Variants in ETV1 observed in about 807,000 individuals in gnomAD.
The protein encoded by ETV1 is ETS variant transcription factor 1, also known as ETS translocation variant 1.
A neutral mutation model predicts 62.3 loss-of-function variants in ETV1; 27 were observed. The observed-to-expected ratio is 0.43, with a 90% CI of 0.32 to 0.60. The LOEUF is 0.60. Among genes scored for constraint, ETV1 ranks in the 20% least tolerant of loss-of-function variants. The pLI is 0.06. For missense variants in ETV1, 605 were observed against 605.8 expected, an observed-to-expected ratio of 1.00 and a Z score of 0.01; for synonymous variants, 222 against 199.6, an observed-to-expected ratio of 1.11 and a Z score of -0.94.
At chr7:13,897,683 T>C (rs906313035) in intron 13 of ETV1, among the ~76,000 whole-genome samples, 4 of 152,124 alleles carry the variant, frequency 2.6e-5, no homozygotes, top group African/African-American at 9.7e-5. Flanking sequence ...ACTTTAGTCC[T>C]TCATACAAAG....
intron 6 of ETV1, among the ~76,000 whole-genome samples, chr7:13,950,613 A>G (rs1788684274): frequency 6.6e-6 from 1 of 152,076 alleles, no homozygotes; most frequent in Admixed American, 6.5e-5. Flanking sequence ...TAAAAATTCA[A>G]CTGTCTCTAC....
intron 7 of ETV1, 134 bp from the exon 8 acceptor site, chr7:13,936,030 T>C (rs1369796532): frequency 2.9e-6 from 2 of 701,520 alleles, no homozygotes; most frequent in Non-Finnish European, 4.7e-6. Flanking sequence ...GTTGCTATTG[T>C]TGTTTAAATC....
Position 13,935,904 on chromosome 7 carries a change from G to A in ETV1, c.366-8C>T, listed in dbSNP as rs771568154. The A allele has an allele frequency of 9.4e-6, 15 of 1,595,108 alleles. No homozygotes were observed. In the Admixed American group the frequency reaches 2.6e-4, roughly 28 times the overall value. ...GGCTTCTGATCATAGGCACTACCCA[G>A]GGGACAAAAGAAGAGAGAACATTTC... On this transcript the variant is annotated splice_polypyrimidine_tract_variant and splice_region_variant and intron_variant, in intron 7 of 13. Transcript: ENST00000430479.
At chr7:13,949,997 C>T (rs1180618610) in intron 6 of ETV1, among the ~76,000 whole-genome samples, 2 of 152,074 alleles carry the variant, frequency 1.3e-5, no homozygotes, top group Admixed American at 6.6e-5. Flanking sequence ...CCAGTCTGCC[C>T]CTGGAAGTTA....
chr7:13,941,914 G>C (rs1285101674), intron 6 of ETV1, among the ~76,000 whole-genome samples: 1 of 148,656 alleles, frequency 6.7e-6, no homozygotes, highest in Non-Finnish European at 1.5e-5. Flanking sequence ...AATAAAGTAA[G>C]AAAATTGTCT....
At chr7:13,942,777 A>G (rs1030338855) in intron 6 of ETV1, among the ~76,000 whole-genome samples, 1 of 152,214 alleles carries the variant, frequency 6.6e-6, no homozygotes, top group African/African-American at 2.4e-5. Flanking sequence ...TCAGGTTTAC[A>G]TGACTAAAAA....
intron 6 of ETV1, among the ~76,000 whole-genome samples, chr7:13,965,244 C>T (rs1055351200): frequency 1.3e-5 from 2 of 152,214 alleles, no homozygotes; most frequent in Admixed American, 6.5e-5. Flanking sequence ...GCACACACTG[C>T]AGCCTAGACA....
intron 9 of ETV1, among the ~76,000 whole-genome samples, chr7:13,916,017 C>A (rs3801093): frequency 6.6e-6 from 1 of 150,384 alleles, no homozygotes; most frequent in Non-Finnish European, 1.5e-5. Flanking sequence ...GAACTGGATG[C>A]GAATGTAACA....
At chr7:13,944,061 A>G (rs773028971) in intron 6 of ETV1, among the ~76,000 whole-genome samples, 3 of 152,206 alleles carry the variant, frequency 2.0e-5, no homozygotes, top group Non-Finnish European at 4.4e-5. Flanking sequence ...GGCTGCTAGC[A>G]TAACAACAGC....
At chr7:13,988,956 AC>A in intron 3 of ETV1, 51 bp downstream of exon 3, 1 of 1,312,972 alleles carries the variant, frequency 7.6e-7, no homozygotes, top group Non-Finnish European at 1.0e-6. Context: ...CCCTCTCCCC[AC>A]CCCCGACGGA....
In ETV1 at chr7:13,935,862, G is replaced by C. The variant is rs767789988; in HGVS notation, c.400C>G (p.Pro134Ala). Residue 134 changes from proline to alanine, a missense_variant, in exon 8 of 14, where the codon CCC (proline) becomes GCC (alanine). Physicochemically the swap from Pro to Ala is conservative, Grantham distance 27. Around this residue, in one of 3 missense-constraint regions of ETV1, gnomAD observed 426 missense variants for 377.8 expected, o/e 1.13. Coordinates refer to ENST00000430479, the MANE Select transcript of ETV1 (RefSeq NM_004956.5). ...YDQKPQVGMR[P>A]SNPPTPSSTP... is the part of the protein sequence containing the mutation. ...CTGGATGGTGTGGGGGGGTTGGAGG[G>C]CCTCATTCCCACTTGTGGCTTCTGA... 6 of 1,613,726 alleles carry C rather than the reference G, an allele frequency of 3.7e-6. No homozygotes were observed. The South Asian group carries it at 6.6e-5, about 18-fold the overall frequency.
chr7:13,893,760 A>G lies in ETV1; in HGVS notation c.*2106T>C. Reference sequence around the variant, plus strand: ...ATATCTCAATTCCTTTTTCCAATAAAACTTTCACTGAATATTTTAACATCT... The same window carrying G: ...ATATCTCAATTCCTTTTTCCAATAAGACTTTCACTGAATATTTTAACATCT... On this transcript the variant is annotated 3_prime_UTR_variant, in exon 14 of 14. Coordinates refer to ENST00000430479, the MANE Select transcript of ETV1 (RefSeq NM_004956.5). The G allele has an allele frequency of 4.3e-6, 1 of 232,728 alleles. No homozygotes were observed. Among genetic ancestry groups the G allele is most frequent in the East Asian group, 6.1e-5 (1 of 16,362 alleles). The allele number at this position is 232,728 out of a possible 1,614,324, so 14.4% of individuals were successfully genotyped here.
intron 9 of ETV1, among the ~76,000 whole-genome samples, chr7:13,921,240 G>C (rs1163700348): frequency 1.3e-5 from 2 of 152,124 alleles, no homozygotes; most frequent in African/African-American, 4.8e-5. Context: ...TTTAGCCTTT[G>C]GAAGTGTTAC....
chr7:13,942,090 C>T (rs1326728259), intron 6 of ETV1, among the ~76,000 whole-genome samples: 1 of 140,086 alleles, frequency 7.1e-6, no homozygotes, highest in African/African-American at 2.7e-5. Context: ...GTGGCGCGAT[C>T]TCGGCTCACT....
chr7:13,902,636 T>C (rs1405925910), intron 12 of ETV1, among the ~76,000 whole-genome samples: 1 of 152,180 alleles, frequency 6.6e-6, no homozygotes, highest in South Asian at 2.1e-4. Context: ...CCGAACTATA[T>C]GCAAACCTGG....
chr7:13,894,903 G>T lies in ETV1; in HGVS notation c.*963C>A. The T allele has an allele frequency of 4.3e-6, 1 of 232,746 alleles. No individual in the cohort carries two copies. The highest frequency in any genetic ancestry group is 8.5e-6 in the Non-Finnish European group (1 of 117,622). The allele number at this position is 232,746 out of a possible 1,614,324, so 14.4% of individuals were successfully genotyped here. A position where few individuals can be genotyped will look rare whatever the true frequency, so the allele number is the denominator to read the frequency against. ...TGGATATTTTTCTTAAAGAGTGTTT[G>T]CTGTAACTAGAACAGCATAATACAT... On this transcript the variant is annotated 3_prime_UTR_variant, in exon 14 of 14. Transcript: ENST00000430479.
chr7:13,964,682 A>G (rs1325421653), intron 6 of ETV1, among the ~76,000 whole-genome samples: 1 of 152,128 alleles, frequency 6.6e-6, no homozygotes, highest in African/African-American at 2.4e-5. Context: ...ACCCTTCTGA[A>G]TAACAAAATG....
At chr7:13,925,201 A>G (rs930068304) in intron 9 of ETV1, among the ~76,000 whole-genome samples, 1 of 152,116 alleles carries the variant, frequency 6.6e-6, no homozygotes, top group African/African-American at 2.4e-5. Context: ...AAGTTGCTCC[A>G]CCACATGGCC....
chr7:13,900,897 T>C lies in ETV1; in HGVS notation c.1111-58A>G, dbSNP rs370696011. 5.0e-5 allele frequency: 58 copies of C among 1,163,612 alleles called. 2 individuals carry two copies. Among genetic ancestry groups the C allele is most frequent in the African/African-American group, 4.2e-4 (27 of 63,850 alleles). 72.1% of individuals were successfully genotyped at this position (1,163,612 alleles called of 1,614,324 possible). The stretch of plus-strand genomic sequence containing the variant: ...AGTATTAACTTATCAGCATATTTCA[T>C]AAAAATTATTTAATTAATTACTTCC... On this transcript the variant is annotated intron_variant, in intron 12 of 13. Coordinates refer to ENST00000430479, the MANE Select transcript of ETV1 (RefSeq NM_004956.5).
Sources: allele counts gnomAD v4.1 joint callset (sites outside exome capture counted in the v4.1 genomes callset), GRCh38; gene constraint gnomAD v4.1.1; regional missense constraint gnomAD v4.1.1; transcripts MANE v1.5; gene names NCBI Gene and HGNC (gene_info 2026-07-23, HGNC 2026-07-21).